CNKSR3: variants seen among roughly 807,000 people sequenced by gnomAD.
CNKSR3 encodes the protein CNKSR family member 3.
A neutral mutation model predicts 67.7 loss-of-function variants in CNKSR3; 36 were observed. That is an observed-to-expected ratio of 0.53 (90% confidence interval 0.41 to 0.70). The LOEUF (loss-of-function observed/expected upper bound fraction) is 0.70. Among genes scored for constraint, CNKSR3 ranks in the 30% least tolerant of loss-of-function variants. The pLI, the probability that CNKSR3 is intolerant of heterozygous loss-of-function variation, is 0.00. For missense variants in CNKSR3, 630 were observed against 695.2 expected (o/e 0.91, Z 1.05); for synonymous variants, 281 against 271.4 (o/e 1.04, Z -0.35).
chr6:154,465,199 T>C (rs756474851), intron 1 of CNKSR3, among the ~76,000 whole-genome samples: 46 of 150,700 alleles, frequency 3.1e-4, no homozygotes, highest in Non-Finnish European at 5.6e-4. Context: ...TACAAGAGTT[T>C]CCATCTTCAG....
Position 154,505,885 on chromosome 6 carries a change from G to A in CNKSR3, c.52+4178C>T, listed in dbSNP as rs545775512. 1.1e-3 allele frequency among the ~76,000 whole-genome samples: 163 copies of A among 152,222 alleles called. 4 individuals carry two copies. The South Asian group carries it at 0.032, about 30-fold the overall frequency. ...GTTCTGCTGGGACAACCAGTCCCAC[G>A]TCTTCCTCGTCGAAGGCACTCCCCA... On this transcript the variant is annotated intron_variant, in intron 1 of 12. Coordinates refer to ENST00000607772, the MANE Select transcript of CNKSR3 (RefSeq NM_173515.4).
intron 4 of CNKSR3, among the ~76,000 whole-genome samples, chr6:154,434,641 T>C (rs1377806801): frequency 6.6e-6 from 1 of 152,212 alleles, no homozygotes; most frequent in Non-Finnish European, 1.5e-5. Flanking sequence ...ACAATAATAA[T>C]GACTGCTCCT....
At chr6:154,470,689 T>C (rs886098412) in intron 1 of CNKSR3, among the ~76,000 whole-genome samples, 2 of 152,224 alleles carry the variant, frequency 1.3e-5, no homozygotes, top group Non-Finnish European at 2.9e-5. Flanking sequence ...CATCAGTTGA[T>C]GGACACTTGG....
intron 1 of CNKSR3, among the ~76,000 whole-genome samples, chr6:154,505,500 T>TCA (rs201891577): frequency 8.9e-6 from 1 of 112,500 alleles, no homozygotes; most frequent in Non-Finnish European, 2.0e-5. Context: ...ATTATTATTT[T>TCA]TTTTTTTTTT....
intron 10 of CNKSR3, among the ~76,000 whole-genome samples, chr6:154,412,647 T>C (rs908414153): frequency 1.1e-4 from 17 of 152,144 alleles, no homozygotes; most frequent in African/African-American, 3.1e-4. Context: ...CACGCTATAA[T>C]AAGTTCTGAG....
intron 1 of CNKSR3, among the ~76,000 whole-genome samples, chr6:154,503,067 A>G (rs756731264): frequency 6.6e-6 from 1 of 152,180 alleles, no homozygotes; most frequent in Non-Finnish European, 1.5e-5. Flanking sequence ...ATTTGTGCCA[A>G]GTTTTTAGAA....
chr6:154,498,595 C>T (rs570068756), intron 1 of CNKSR3, among the ~76,000 whole-genome samples: 27 of 152,330 alleles, frequency 1.8e-4, no homozygotes, highest in African/African-American at 6.5e-4. Context: ...CCCCTATAGG[C>T]AACCGTGTTT....
intron 1 of CNKSR3, among the ~76,000 whole-genome samples, chr6:154,496,069 C>T (rs1376556684): frequency 6.6e-6 from 1 of 152,214 alleles, no homozygotes. Flanking sequence ...ACCTGTTAGA[C>T]ATGCGGCCGT....
Position 154,395,237 on chromosome 6 carries a change from A to G in CNKSR3, c.*11117T>C, listed in dbSNP as rs894972162. ...ATTCAATCCCATTTCCCATGTAATG[A>G]GTGAAGGGTAGTCTATGTTTCCAGT... On this transcript the variant is annotated 3_prime_UTR_variant, in exon 13 of 13. Coordinates refer to ENST00000607772, the MANE Select transcript of CNKSR3 (RefSeq NM_173515.4). The G allele has an allele frequency of 5.4e-4, 83 of 152,320 alleles. No homozygotes were observed. The highest frequency in any genetic ancestry group is 2.0e-3 in the African/African-American group (82 of 41,554). The allele number at this position is 152,320 out of a possible 1,614,324, so 9.4% of individuals were successfully genotyped here.
Position 154,399,748 on chromosome 6 carries a change from T to C in CNKSR3, c.*6606A>G, listed in dbSNP as rs886438356. 4.6e-5 allele frequency: 7 copies of C among 152,246 alleles called. No homozygotes were observed. Among genetic ancestry groups the C allele is most frequent in the African/African-American group, 1.7e-4 (7 of 41,532 alleles). The allele number at this position is 152,246 out of a possible 1,614,324, so 9.4% of individuals were successfully genotyped here. A position where few individuals can be genotyped will look rare whatever the true frequency, so the allele number is the denominator to read the frequency against. On this transcript the variant is annotated 3_prime_UTR_variant, in exon 13 of 13. Transcript: ENST00000607772. ...ACAATTTCTTCCTTCAGAGACAATCTTACTTTATATTAAACTTCATTTCTG... is the reference window on the plus strand; with the variant it reads ...ACAATTTCTTCCTTCAGAGACAATCCTACTTTATATTAAACTTCATTTCTG...
intron 2 of CNKSR3, among the ~76,000 whole-genome samples, chr6:154,445,914 A>G (rs1785698439): frequency 6.6e-6 from 1 of 152,248 alleles, no homozygotes; most frequent in African/African-American, 2.4e-5. Flanking sequence ...AACTGATTAT[A>G]GTAGCTCTAA....
chr6:154,445,202 T>C (rs949906659), intron 2 of CNKSR3, among the ~76,000 whole-genome samples: 8 of 152,202 alleles, frequency 5.3e-5, no homozygotes, highest in South Asian at 2.1e-4. Flanking sequence ...TAGCTGAAAA[T>C]GTTCTCTTCC....
rs1784626358 is a variant in CNKSR3, at chr6:154,393,208, C to T, written c.*13146G>A. On this transcript the variant is annotated 3_prime_UTR_variant, in exon 13 of 13. Coordinates refer to ENST00000607772, the MANE Select transcript of CNKSR3 (RefSeq NM_173515.4). ...GGATTGTAGGTGTGAGCCACTGCAC[C>T]CACCTACTTAGTGTTTCTAATCCCC... 1 of 152,216 alleles carries T rather than the reference C, an allele frequency of 6.6e-6. No homozygotes were observed. The highest frequency in any genetic ancestry group is 6.5e-5 in the Admixed American group (1 of 15,280). 9.4% of individuals were successfully genotyped at this position (152,216 alleles called of 1,614,324 possible). A position where few individuals can be genotyped will look rare whatever the true frequency, so the allele number is the denominator to read the frequency against.
At chr6:154,452,413 G>C (rs1194254807) in intron 1 of CNKSR3, among the ~76,000 whole-genome samples, 1 of 152,210 alleles carries the variant, frequency 6.6e-6, no homozygotes, top group Non-Finnish European at 1.5e-5. Context: ...AGGCATTTCA[G>C]ATCTCACTGA....
chr6:154,439,872 C>A (rs1582861290), intron 4 of CNKSR3, among the ~76,000 whole-genome samples: 1 of 152,128 alleles, frequency 6.6e-6, no homozygotes, highest in African/African-American at 2.4e-5. Context: ...ACCTAAGCAA[C>A]AGAGTGAGAC....
chr6:154,462,109 CTATT>C (rs1786092517), intron 1 of CNKSR3, among the ~76,000 whole-genome samples: 1 of 152,156 alleles, frequency 6.6e-6, no homozygotes, highest in South Asian at 2.1e-4. Flanking sequence ...TACAATTCGC[CTATT>C]TAAAGTAAAC....
At chr6:154,448,119 G>A (rs2063409050) in intron 2 of CNKSR3, among the ~76,000 whole-genome samples, 1 of 152,060 alleles carries the variant, frequency 6.6e-6, no homozygotes, top group African/African-American at 2.4e-5. Context: ...AATTGTAGGA[G>A]ATAAAACACA....
At position 154,494,147 on chromosome 6, in the gene CNKSR3, G is replaced by A. The variant is rs992486390; in HGVS notation, c.52+15916C>T. 2.0e-5 allele frequency among the ~76,000 whole-genome samples: 3 copies of A among 151,900 alleles called. 1 individual carries two copies. The highest frequency in any genetic ancestry group is 4.2e-4 in the South Asian group (2 of 4,808). On this transcript the variant is annotated intron_variant, in intron 1 of 12. Transcript: ENST00000607772. Reference sequence around the variant, plus strand: ...TAAAGGAAAGAGGTTTAATTGATTCGCAGTTCCACATGGCTGGGGAGGCCT... The same window carrying A: ...TAAAGGAAAGAGGTTTAATTGATTCACAGTTCCACATGGCTGGGGAGGCCT...
At chr6:154,467,735 T>TTACAAA (rs1371150723) in intron 1 of CNKSR3, among the ~76,000 whole-genome samples, 86 of 130,206 alleles carry the variant, frequency 6.6e-4, no homozygotes, top group African/African-American at 2.7e-3. Context: ...GTTAGACCCA[T>TTACAAA]TATAAATATA....
Sources: gnomAD v4.1 joint callset for allele counts (sites outside exome capture counted in the v4.1 genomes callset) on GRCh38, gnomAD v4.1.1 for gene constraint, MANE v1.5 for transcripts, NCBI Gene and HGNC (gene_info 2026-07-23, HGNC 2026-07-21) for gene names.